Variants in ABCC2 observed in about 807,000 individuals in gnomAD.
ABCC2 encodes ATP-binding cassette sub-family C member 2.
Under a neutral mutation model 173.4 loss-of-function variants are expected in ABCC2, and 157 were observed. The ratio of observed to expected loss-of-function variants is 0.91; its 90% CI spans 0.80 to 1.03. The LOEUF (loss-of-function observed/expected upper bound fraction) is 1.03, where lower values mean the gene tolerates loss of function less well. ABCC2 is among the 50% of genes least tolerant of loss of function. ABCC2 has a pLI of 0.00. For synonymous variants in ABCC2, 657 were observed against 693.5 expected, an observed-to-expected ratio of 0.95 and a Z score of 0.83; for missense variants, 1,822 against 1,852.3, an observed-to-expected ratio of 0.98 and a Z score of 0.30.
At chr10:99,830,181 T>G in intron 19 of ABCC2, 126 bp from the exon 20 acceptor site, 1 of 1,059,396 alleles carries the variant, frequency 9.4e-7, no homozygotes. Context: ...AAGTATTCCA[T>G]GCTGTATGTA....
intron 3 of ABCC2, 73 bp from the exon 4 acceptor site, chr10:99,793,478 T>G: frequency 6.3e-7 from 1 of 1,599,190 alleles, no homozygotes; most frequent in Non-Finnish European, 8.6e-7. Context: ...TCCCATGTTC[T>G]CTGACATCCT....
At chr10:99,808,010 T>A in intron 12 of ABCC2, 73 bp from the exon 13 acceptor site, 1 of 1,559,972 alleles carries the variant, frequency 6.4e-7, no homozygotes, top group Non-Finnish European at 8.8e-7. Flanking sequence ...TGATATATGG[T>A]GTTCCTGAAA....
At chr10:99,782,984 C>T (rs2037641128) in intron 1 of ABCC2, 107 bp downstream of exon 1, 5 of 1,091,734 alleles carry the variant, frequency 4.6e-6, no homozygotes, top group Admixed American at 1.9e-5. Flanking sequence ...GTTAGATGTG[C>T]AATTGGTCTA....
chr10:99,830,152 A>G (rs1393157215), intron 19 of ABCC2, among the ~76,000 whole-genome samples, 155 bp from the exon 20 acceptor site: 1 of 152,240 alleles, frequency 6.6e-6, no homozygotes, highest in Non-Finnish European at 1.5e-5. Flanking sequence ...ATAACTATGT[A>G]TGGAGTATTT....
In ABCC2 at chr10:99,804,290, C is replaced by G. The variant is rs745369211; in HGVS notation, c.1464+17C>G. 4 of 1,613,648 alleles carry G rather than the reference C, an allele frequency of 2.5e-6. No homozygotes were observed. The highest frequency in any genetic ancestry group is 3.3e-5 in the Admixed American group (2 of 59,966). On this transcript the variant is annotated intron_variant, in intron 10 of 31. Transcript: ENST00000647814. Reference sequence around the variant, plus strand: ...ACCATTCAGGTAAAGAAAAAGTCACCCAGAAGAATATAAGCTTTCTTTAAA... The same window carrying G: ...ACCATTCAGGTAAAGAAAAAGTCACGCAGAAGAATATAAGCTTTCTTTAAA...
At chr10:99,811,873 T>C (rs1442162830) in intron 15 of ABCC2, among the ~76,000 whole-genome samples, 1 of 152,156 alleles carries the variant, frequency 6.6e-6, no homozygotes, top group African/African-American at 2.4e-5. Flanking sequence ...GTGTGCAGAT[T>C]GTGGATGGAG....
chr10:99,814,807 G>A lies in ABCC2; in HGVS notation c.2094+1663G>A, dbSNP rs528055448. 2.6e-4 allele frequency among the ~76,000 whole-genome samples: 38 copies of A among 143,732 alleles called. No individual in the cohort carries two copies. In the South Asian group the frequency reaches 7.1e-3, roughly 27 times the overall value. 94.3% of individuals were successfully genotyped at this position (143,732 alleles called of 152,430 possible). ...TATACACACACACATATGTGTGTGT[G>A]TATATATATATTTTGAGACAGAGTC... On this transcript the variant is annotated intron_variant, in intron 16 of 31. Transcript: ENST00000647814.
intron 2 of ABCC2, among the ~76,000 whole-genome samples, chr10:99,788,142 T>C (rs2037750673): frequency 6.6e-6 from 1 of 152,286 alleles, no homozygotes; most frequent in South Asian, 2.1e-4. Flanking sequence ...TTGGCAACCA[T>C]TGATACCAGT....
intron 29 of ABCC2, among the ~76,000 whole-genome samples, chr10:99,846,333 C>A (rs1396953018): frequency 6.6e-6 from 1 of 152,200 alleles, no homozygotes; most frequent in East Asian, 1.9e-4. Context: ...CCACTGCAGC[C>A]CAGTTCCTCT....
chr10:99,827,462 C>T (rs1358374454), intron 19 of ABCC2, among the ~76,000 whole-genome samples: 1 of 152,166 alleles, frequency 6.6e-6, no homozygotes, highest in Non-Finnish European at 1.5e-5. Flanking sequence ...TTTTCCTTGT[C>T]TTTTCATTAC....
intron 29 of ABCC2, among the ~76,000 whole-genome samples, chr10:99,846,264 T>C (rs1463844170): frequency 6.6e-6 from 1 of 152,234 alleles, no homozygotes; most frequent in Non-Finnish European, 1.5e-5. Flanking sequence ...AGATAAGGAC[T>C]GCCGCGAGGC....
chr10:99,819,217 T>C lies in ABCC2; in HGVS notation c.2568T>C (p.Ala856=). The C allele has an allele frequency of 6.2e-7, 1 of 1,614,160 alleles. No homozygotes were observed. Among genetic ancestry groups the C allele is most frequent in the South Asian group, 1.1e-5 (1 of 91,084 alleles). ...SALLAKKGEF[A]KNLKTFLRHT... Reference sequence around the variant, plus strand: ...TCCTGGCCAAAAAAGGAGAGTTTGCTAAGAATCTGAAGACATTTCTAAGAC... The same window carrying C: ...TCCTGGCCAAAAAAGGAGAGTTTGCCAAGAATCTGAAGACATTTCTAAGAC... The change falls in exon 19 of 32, where the codon GCT becomes GCC. Residue 856 remains alanine, a synonymous_variant. Coordinates refer to ENST00000647814, the MANE Select transcript of ABCC2 (RefSeq NM_000392.5).
chr10:99,798,927 G>A (rs767264087), intron 7 of ABCC2, among the ~76,000 whole-genome samples: 5 of 152,184 alleles, frequency 3.3e-5, no homozygotes, highest in Non-Finnish European at 7.3e-5. Flanking sequence ...TCTCAGGACT[G>A]CCCCTCAGGC....
chr10:99,788,711 G>A (rs4148386), intron 2 of ABCC2: 88,490 of 155,576 alleles, frequency 0.57, 25,551 homozygotes, highest in East Asian at 0.76. Flanking sequence ...GGAGAATTTC[G>A]CTGGAGCTGC....
chr10:99,800,565 T>C lies in ABCC2; in HGVS notation c.1209+2T>C. Reference sequence around the variant, plus strand: ...ATCATGGCTTCTGTATATAAGAAGGTAAGCAGAATACGGCAGGTATCACCA... The same window carrying C: ...ATCATGGCTTCTGTATATAAGAAGGCAAGCAGAATACGGCAGGTATCACCA... On this transcript the variant is annotated splice_donor_variant, in intron 9 of 31. Transcript: ENST00000647814. LOFTEE classifies it high-confidence loss of function. 6.2e-7 allele frequency: 1 copy of C among 1,614,118 alleles called. No individual in the cohort carries two copies. Among genetic ancestry groups the C allele is most frequent in the Non-Finnish European group, 8.5e-7 (1 of 1,179,990 alleles).
intron 24 of ABCC2, among the ~76,000 whole-genome samples, chr10:99,835,411 G>A (rs184153306): frequency 6.5e-4 from 99 of 151,716 alleles, no homozygotes; most frequent in African/African-American, 2.2e-3. Flanking sequence ...TCTCTCCAAC[G>A]CCCCACTCTT....
chr10:99,846,930 C>A, intron 29 of ABCC2, 31 bp from the exon 30 acceptor site: 1 of 1,613,850 alleles, frequency 6.2e-7, no homozygotes, highest in African/African-American at 1.3e-5. Flanking sequence ...TGGCATGAGC[C>A]CCAACAGCCC....
rs149290966 is a variant in ABCC2 at position 99,852,407 on chromosome 10, T to A, written c.*776T>A. ...TAGTATCTATTGGGGATGAATATATTTTCATGTTTCTGGGGCATTTGCATT... is the reference window on the plus strand; with the variant it reads ...TAGTATCTATTGGGGATGAATATATATTCATGTTTCTGGGGCATTTGCATT... On this transcript the variant is annotated 3_prime_UTR_variant, in exon 32 of 32. Transcript: ENST00000647814. Among the ~76,000 whole-genome samples the A allele has an allele frequency of 0.013, 1,923 of 152,362 alleles. 20 individuals are homozygous for A. The highest frequency in any genetic ancestry group is 0.022 in the Non-Finnish European group (1,468 of 68,040).
At chr10:99,843,967 C>T (rs1478885621) in intron 27 of ABCC2, 67 bp downstream of exon 27, 2 of 1,303,802 alleles carry the variant, frequency 1.5e-6, no homozygotes, top group African/African-American at 2.9e-5. Context: ...GAGAGTGCAT[C>T]TTTAGAATTT....
Sources: gnomAD v4.1 joint callset for allele counts (sites outside exome capture counted in the v4.1 genomes callset) on GRCh38, gnomAD v4.1.1 for gene constraint, MANE v1.5 for transcripts, NCBI Gene and HGNC (gene_info 2026-07-23, HGNC 2026-07-21) for gene names.